Variants in SMPD2 observed in about 807,000 individuals in gnomAD.
SMPD2 encodes the protein sphingomyelin phosphodiesterase 2.
A neutral mutation model predicts 41.7 loss-of-function variants in SMPD2; 35 were observed. The observed-to-expected ratio is 0.84, with a 90% confidence interval of 0.64 to 1.11. The LOEUF (loss-of-function observed/expected upper bound fraction) is 1.11, where lower values mean the gene tolerates loss of function less well. Ranked by LOEUF, SMPD2 falls within the 50% of genes most tolerant of loss-of-function variation. The pLI is 0.00. For missense variants in SMPD2, 520 were observed against 524.8 expected, an observed-to-expected ratio of 0.99 and a Z score of 0.09; for synonymous variants, 201 against 208.2, an observed-to-expected ratio of 0.97 and a Z score of 0.30.
rs2115320084 is a variant in SMPD2, at chr6:109,443,708, A to G, written c.1075A>G (p.Thr359Ala). ...CGGGGAAGCTGCCATACTGCTCTGG[A>G]CCCCCAGTGTAGGGCTGGTGCTGTG... ...GAGEAAILLW[T>A]PSVGLVLWAG... Residue 359 changes from threonine to alanine, a missense_variant, in exon 10 of 10, where the codon ACC becomes GCC. Transcript: ENST00000258052. 1 of 1,613,602 alleles carries G rather than the reference A, an allele frequency of 6.2e-7. No individual in the cohort carries two copies. Among genetic ancestry groups the G allele is most frequent in the Non-Finnish European group, 8.5e-7 (1 of 1,179,824 alleles).
intron 5 of SMPD2, 24 bp downstream of exon 5, chr6:109,442,323 G>A (rs1774946810): frequency 1.2e-6 from 2 of 1,604,840 alleles, no homozygotes; most frequent in East Asian, 2.2e-5. Context: ...GCAGTGCCTA[G>A]GGCTGGGACA....
At position 109,443,818 on chromosome 6, in the gene SMPD2, GGCAAGGGAGGCCCAGGATCTGGGCCCAGA is replaced by G; in HGVS notation, c.1188_1216del (p.Arg397SerfsTer15). The stretch of plus-strand genomic sequence containing the variant: ...CTGAGCTCCAGCATGTGCTAGGAAG[GGCAAGGGAGGCCCAGGATCTGGGCCCAGA>G]GCCTCAGCCAGCCCTACTCCTGGGG... On this transcript the variant is annotated frameshift_variant, in exon 10 of 10. Transcript: ENST00000258052. LOFTEE classifies it low-confidence loss of function (END_TRUNC). 1 of 1,614,040 alleles carries G rather than the reference GGCAAGGGAGGCCCAGGATCTGGGCCCAGA, an allele frequency of 6.2e-7. No individual in the cohort carries two copies. Among genetic ancestry groups the G allele is most frequent in the Non-Finnish European group, 8.5e-7 (1 of 1,180,008 alleles).
In SMPD2 at chr6:109,443,718, TA is replaced by T; in HGVS notation, c.1086del (p.Leu364TrpfsTer30). On this transcript the variant is annotated frameshift_variant, in exon 10 of 10. Transcript: ENST00000258052. LOFTEE classifies it low-confidence loss of function (END_TRUNC). ...GCCATACTGCTCTGGACCCCCAGTG[TA>T]GGGCTGGTGCTGTGGGCAGGTGCAT... ...EAAILLWTPS[V>X]GLVLWAGAFY... The T allele has an allele frequency of 6.2e-7, 1 of 1,614,048 alleles. No homozygotes were observed. The highest frequency in any genetic ancestry group is 8.5e-7 in the Non-Finnish European group (1 of 1,179,936).
At chr6:109,441,659 T>C in intron 3 of SMPD2, 31 bp downstream of exon 3, 1 of 1,604,282 alleles carries the variant, frequency 6.2e-7, no homozygotes, top group Non-Finnish European at 8.5e-7. Flanking sequence ...AAGCCTGTTG[T>C]CATCCCAGGA....
In SMPD2 at chr6:109,440,935, C is replaced by G. The variant is rs1774837124; in HGVS notation, c.-187C>G. Reference sequence around the variant, plus strand: ...TGGCGGCCCGCCTGATTGGGAACAGCCGGCCGGTTGCCGGGGGAACGCGGG... The same window carrying G: ...TGGCGGCCCGCCTGATTGGGAACAGGCGGCCGGTTGCCGGGGGAACGCGGG... On this transcript the variant is annotated 5_prime_UTR_variant, in exon 1 of 10. Transcript: ENST00000258052. 1.7e-6 allele frequency: 1 copy of G among 604,274 alleles called. No individual in the cohort carries two copies. The highest frequency in any genetic ancestry group is 2.1e-5 in the South Asian group (1 of 48,578). 37.4% of individuals were successfully genotyped at this position (604,274 alleles called of 1,614,324 possible). A position where few individuals can be genotyped will look rare whatever the true frequency, so the allele number is the denominator to read the frequency against.
In SMPD2 at chr6:109,443,656, G is replaced by C. The variant is rs1262709692; in HGVS notation, c.1023G>C (p.Leu341=). The C allele has an allele frequency of 1.3e-5, 21 of 1,613,530 alleles. No individual in the cohort carries two copies. Among genetic ancestry groups the C allele is most frequent in the Non-Finnish European group, 2.5e-6 (3 of 1,179,920 alleles). Residue 341 remains leucine (L), a synonymous_variant, in exon 10 of 10, where the codon CTG becomes CTC. Transcript: ENST00000258052. ...TGGGGCTGCTTCTCCTGGCACTGCT[G>C]TGTGTCCTGGCGGCTGGAGGAGGGG... ...IGLGLLLLAL[L]CVLAAGGGAG... is the part of the protein sequence containing the mutation.
At position 109,441,632 on chromosome 6, in the gene SMPD2, A is replaced by C; in HGVS notation, c.224+4A>C. On this transcript the variant is annotated splice_donor_region_variant and intron_variant, in intron 3 of 9. Coordinates refer to ENST00000258052, the MANE Select transcript of SMPD2 (RefSeq NM_003080.3). ...CAGCTGCACACCACTTCCGGAGGTG[A>C]GAAGCCCACTGGCCTGAAGCCTGTT... The C allele has an allele frequency of 6.2e-7, 1 of 1,613,878 alleles. No homozygotes were observed. The highest frequency in any genetic ancestry group is 8.5e-7 in the Non-Finnish European group (1 of 1,179,742).
chr6:109,441,229 CT>C, intron 1 of SMPD2, 58 bp downstream of exon 1: 1 of 1,602,558 alleles, frequency 6.2e-7, no homozygotes, highest in East Asian at 2.2e-5. Flanking sequence ...CCCATGCAGC[CT>C]TCCTCCCCCT....
intron 3 of SMPD2, 56 bp downstream of exon 3, chr6:109,441,684 C>T: frequency 2.7e-6 from 4 of 1,486,824 alleles, no homozygotes; most frequent in Non-Finnish European, 3.8e-6. Context: ...CTTGGCCCTG[C>T]CAGCCCTTCC....
chr6:109,443,341 C>T lies in SMPD2; in HGVS notation c.804C>T (p.Pro268=), dbSNP rs374522884. The T allele has an allele frequency of 6.5e-5, 105 of 1,613,998 alleles. No homozygotes were observed. Among genetic ancestry groups the T allele is most frequent in the Middle Eastern group, 3.3e-4 (2 of 6,060 alleles). The change falls in exon 9 of 10, where the codon CCC becomes CCT. Residue 268 remains proline (P), a synonymous_variant. Transcript: ENST00000258052. ...GCTTTGACCCTCACAGGGGCACCCC[C>T]CTCTCTGATCATGAAGCCCTGATGG... The part of the protein sequence containing the change: ...TTGFDPHRGT[P]LSDHEALMAT...
At chr6:109,441,714 C>CA in intron 3 of SMPD2, 86 bp downstream of exon 3, 2 of 1,211,830 alleles carry the variant, frequency 1.7e-6, no homozygotes, top group Admixed American at 1.7e-5. Context: ...CTGCACTCTC[C>CA]AGTCTCCTCC....
chr6:109,443,413 T>C lies in SMPD2; in HGVS notation c.876T>C (p.Ser292=), dbSNP rs1775041928. ...RHSPPQQNPS[S]THGPAERSPL... ...GCCCCCCACAGCAGAACCCCAGCTC[T>C]ACCCACGGTGAGTCACCCCCACCCT... The change falls in exon 9 of 10, where the codon TCT becomes TCC. Residue 292 remains serine (S), a synonymous_variant. Coordinates refer to ENST00000258052, the MANE Select transcript of SMPD2 (RefSeq NM_003080.3). 1 of 1,613,834 alleles carries C rather than the reference T, an allele frequency of 6.2e-7. No homozygotes were observed. Among genetic ancestry groups the C allele is most frequent in the African/African-American group, 1.3e-5 (1 of 74,934 alleles).
In SMPD2 at chr6:109,441,376, A is replaced by T; in HGVS notation, c.70A>T (p.Lys24Ter). 8.1e-6 allele frequency: 13 copies of T among 1,614,076 alleles called. No individual in the cohort carries two copies. The highest frequency in any genetic ancestry group is 1.1e-5 in the Non-Finnish European group (13 of 1,179,948). The part of the protein sequence containing the change: ...LNCWGIPYLS[K>*]HRADRMRRLG... ...CCTTAGGGGCATTCCGTACTTGAGCAAGCACCGGGCCGACCGCATGAGGCG... is the reference window on the plus strand; with the variant it reads ...CCTTAGGGGCATTCCGTACTTGAGCTAGCACCGGGCCGACCGCATGAGGCG... Residue 24 changes from lysine (K) to a stop codon, truncating the protein, a stop_gained, in exon 2 of 10, where the codon AAG becomes TAG. Coordinates refer to ENST00000258052, the MANE Select transcript of SMPD2 (RefSeq NM_003080.3). LOFTEE classifies it high-confidence loss of function.
rs1301923051 is a variant in SMPD2 at position 109,441,027 on chromosome 6, C to A, written c.-95C>A. 4 of 1,272,838 alleles carry A rather than the reference C, an allele frequency of 3.1e-6. No individual in the cohort carries two copies. The highest frequency in any genetic ancestry group is 4.5e-6 in the Non-Finnish European group (4 of 889,058). 78.8% of individuals were successfully genotyped at this position (1,272,838 alleles called of 1,614,324 possible). A position where few individuals can be genotyped will look rare whatever the true frequency, so the allele number is the denominator to read the frequency against. ...GTGCGCGCCGCCTGCGAAGAAGGAA[C>A]GGTCTGGGGAGAAGGCGCCGCCGGC... is the stretch of plus-strand genomic sequence containing the variant. On this transcript the variant is annotated 5_prime_UTR_variant, in exon 1 of 10. Coordinates refer to ENST00000258052, the MANE Select transcript of SMPD2 (RefSeq NM_003080.3).
Position 109,441,167 on chromosome 6 carries a change from T to G in SMPD2, c.46T>G (p.Cys16Gly), listed in dbSNP as rs1445430589. The G allele has an allele frequency of 6.2e-7, 1 of 1,613,986 alleles. No individual in the cohort carries two copies. The highest frequency in any genetic ancestry group is 2.2e-5 in the East Asian group (1 of 44,890). Reference protein sequence around the residue: ...SLRLRIFNLNCWGIPYLSKHR... With the variant: ...SLRLRIFNLNGWGIPYLSKHR... Reference sequence around the variant, plus strand: ...GCGACTGCGGATCTTCAACCTCAACTGCTGGTGAGTGCGTCTGCGGAGTGC... The same window carrying G: ...GCGACTGCGGATCTTCAACCTCAACGGCTGGTGAGTGCGTCTGCGGAGTGC... The change falls in exon 1 of 10, where the codon TGC becomes GGC. Residue 16 changes from cysteine (C) to glycine (G), a missense_variant. Physicochemically the swap from Cys to Gly is radical, Grantham distance 159. Transcript: ENST00000258052.
intron 7 of SMPD2, 32 bp from the exon 8 acceptor site, chr6:109,442,945 C>A (rs112488187): frequency 5.0e-6 from 8 of 1,611,156 alleles, no homozygotes; most frequent in Non-Finnish European, 5.9e-6. Flanking sequence ...CCTTCTCCCC[C>A]ACATCCTAGC....
rs1245660966 is a variant in SMPD2 at position 109,442,181 on chromosome 6, C to T, written c.319-29C>T. 4 of 1,610,666 alleles carry T rather than the reference C, an allele frequency of 2.5e-6. No individual in the cohort carries two copies. In the African/African-American group the frequency reaches 5.3e-5, roughly 22 times the overall value. ...ATGGGCAGAAAGATGGTGGCGGTGC[C>T]CTGAGTTTCTATCTCCTCCTGCCTG... On this transcript the variant is annotated intron_variant, in intron 4 of 9. Coordinates refer to ENST00000258052, the MANE Select transcript of SMPD2 (RefSeq NM_003080.3).
rs765198399 is a variant in SMPD2 at position 109,443,013 on chromosome 6, T to G, written c.661T>G (p.Cys221Gly). The G allele has an allele frequency of 1.9e-6, 3 of 1,614,224 alleles. No homozygotes were observed. The highest frequency in any genetic ancestry group is 1.7e-5 in the Admixed American group (1 of 60,026). The part of the protein sequence containing the change: ...EEGNTMVPKN[C>G]YVSQQELKPF... ...AGGCAACACAATGGTACCCAAGAACTGCTACGTCAGCCAGCAGGAGCTGAA... is the reference window on the plus strand; with the variant it reads ...AGGCAACACAATGGTACCCAAGAACGGCTACGTCAGCCAGCAGGAGCTGAA... Residue 221 changes from cysteine to glycine, a missense_variant, in exon 8 of 10, where the codon TGC (cysteine) becomes GGC (glycine). Physicochemically the swap from Cys to Gly is radical, Grantham distance 159. Transcript: ENST00000258052.
chr6:109,442,707 G>T (rs755995598), intron 6 of SMPD2, 45 bp from the exon 7 acceptor site: 1 of 1,613,628 alleles, frequency 6.2e-7, no homozygotes. Flanking sequence ...ATGGGGAAGA[G>T]CTGGTGATGG....
Sources: allele counts gnomAD v4.1 joint callset, GRCh38; gene constraint gnomAD v4.1.1; transcripts MANE v1.5; gene names NCBI Gene and HGNC (gene_info 2026-07-23, HGNC 2026-07-21).